Variants in RAD51B observed in about 807,000 individuals in gnomAD.
RAD51B encodes the protein DNA repair protein RAD51 homolog 2.
Under a neutral mutation model 42.2 loss-of-function variants are expected in RAD51B, and 38 were observed. The observed-to-expected ratio is 0.90, with a 90% CI of 0.70 to 1.18. The LOEUF (loss-of-function observed/expected upper bound fraction) is 1.18, where lower values mean the gene tolerates loss of function less well. Among genes scored for constraint, RAD51B ranks in the 50% most tolerant of loss-of-function variants. RAD51B has a pLI of 0.00. For missense variants in RAD51B, 373 were observed against 400.7 expected (o/e 0.93, Z 0.59); for synonymous variants, 154 against 145.2 (o/e 1.06, Z -0.43).
intron 7 of RAD51B, among the ~76,000 whole-genome samples, chr14:67,986,403 A>G (rs866883961): frequency 7.9e-5 from 12 of 152,214 alleles, no homozygotes; most frequent in African/African-American, 2.9e-4. Context: ...AGGAAATTGG[A>G]TACTCCAAAG....
chr14:68,676,412 C>T (rs1181391662), intron 11 of RAD51B, among the ~76,000 whole-genome samples: 1 of 152,178 alleles, frequency 6.6e-6, no homozygotes, highest in Non-Finnish European at 1.5e-5. Context: ...GCAAGCTGAC[C>T]CACGGAGGTC....
intron 7 of RAD51B, among the ~76,000 whole-genome samples, chr14:68,274,219 C>T (rs907563362): frequency 2.6e-5 from 4 of 152,060 alleles, no homozygotes; most frequent in African/African-American, 9.7e-5. Flanking sequence ...TTCACTCTTC[C>T]CCTTCTTTTT....
intron 8 of RAD51B, among the ~76,000 whole-genome samples, chr14:68,400,888 C>A (rs919569296): frequency 6.6e-6 from 1 of 152,090 alleles, no homozygotes; most frequent in African/African-American, 2.4e-5. Flanking sequence ...CTACAAGTCA[C>A]CATTCAGGAT....
chr14:67,959,463 G>A (rs963588114), intron 7 of RAD51B, among the ~76,000 whole-genome samples: 11 of 152,070 alleles, frequency 7.2e-5, no homozygotes, highest in African/African-American at 2.7e-4. Flanking sequence ...TAGCCAGGAT[G>A]GTCTCGATCT....
At chr14:68,661,202 TC>T (rs1385653130) in intron 11 of RAD51B, among the ~76,000 whole-genome samples, 23 of 152,260 alleles carry the variant, frequency 1.5e-4, no homozygotes, top group African/African-American at 5.5e-4. Flanking sequence ...AGTTTTGTGC[TC>T]CTTGCAAGGA....
chr14:68,402,952 C>G (rs2084155429), intron 8 of RAD51B, among the ~76,000 whole-genome samples: 1 of 152,180 alleles, frequency 6.6e-6, no homozygotes, highest in Admixed American at 6.5e-5. Context: ...CTGGTCTCAT[C>G]AAAAGCCCAG....
chr14:67,919,959 CT>C (rs545258849), intron 7 of RAD51B, among the ~76,000 whole-genome samples: 2 of 151,174 alleles, frequency 1.3e-5, no homozygotes, highest in Middle Eastern at 3.4e-3. Context: ...GAAAAGAAAG[CT>C]TTTTTTTTCT....
chr14:68,467,720 C>A (rs191073700), intron 9 of RAD51B, among the ~76,000 whole-genome samples: 244 of 152,346 alleles, frequency 1.6e-3, no homozygotes, highest in Non-Finnish European at 2.9e-3. Context: ...CCAGGGCCAA[C>A]AAAGAAACCT....
At chr14:68,661,203 C>G (rs1476138457) in intron 11 of RAD51B, among the ~76,000 whole-genome samples, 1 of 152,142 alleles carries the variant, frequency 6.6e-6, no homozygotes, top group Non-Finnish European at 1.5e-5. Context: ...GTTTTGTGCT[C>G]CTTGCAAGGA....
At chr14:68,152,628 G>T (rs1238649670) in intron 7 of RAD51B, among the ~76,000 whole-genome samples, 1 of 151,954 alleles carries the variant, frequency 6.6e-6, no homozygotes, top group Non-Finnish European at 1.5e-5. Flanking sequence ...TAGGTTCAGG[G>T]GTACATGTGC....
Position 68,477,634 on chromosome 14 carries a change from T to TC in RAD51B, c.1037-14_1037-13insC. On this transcript the variant is annotated splice_polypyrimidine_tract_variant and intron_variant, in intron 10 of 10. Coordinates refer to ENST00000471583, the MANE Select transcript of RAD51B (RefSeq NM_133510.4). ...TTTTTTTCAAACTTTCTCTTTTTTT[T>TC]TTTTTTCCTTTAGGCCAAGAGAAGC... 1 of 1,607,378 alleles carries TC rather than the reference T, an allele frequency of 6.2e-7. No homozygotes were observed.
chr14:67,880,976 A>G (rs1024571703), intron 5 of RAD51B, among the ~76,000 whole-genome samples: 1 of 152,220 alleles, frequency 6.6e-6, no homozygotes, highest in Non-Finnish European at 1.5e-5. Flanking sequence ...AACACCCTAC[A>G]GTGTACTTAC....
intron 10 of RAD51B, among the ~76,000 whole-genome samples, chr14:68,593,391 G>A (rs1890845031): frequency 6.6e-6 from 1 of 152,232 alleles, no homozygotes; most frequent in African/African-American, 2.4e-5. Context: ...GCCAGCCGAT[G>A]ATCATTGGGC....
chr14:68,159,988 T>C (rs2078603245), intron 7 of RAD51B, among the ~76,000 whole-genome samples: 1 of 152,126 alleles, frequency 6.6e-6, no homozygotes, highest in Admixed American at 6.5e-5. Flanking sequence ...AACTGCCGAC[T>C]TCCCCATTGT....
At chr14:68,065,507 C>T (rs948399513) in intron 7 of RAD51B, among the ~76,000 whole-genome samples, 4 of 152,176 alleles carry the variant, frequency 2.6e-5, no homozygotes, top group Non-Finnish European at 4.4e-5. Flanking sequence ...CTAGTCCATT[C>T]TCCAAGGGAG....
At chr14:68,133,090 T>C (rs577947783) in intron 7 of RAD51B, among the ~76,000 whole-genome samples, 3 of 152,250 alleles carry the variant, frequency 2.0e-5, no homozygotes, top group East Asian at 3.9e-4. Context: ...GCAGGCAATA[T>C]AGTAATTGCA....
At chr14:67,961,322 G>A (rs192078544) in intron 7 of RAD51B, among the ~76,000 whole-genome samples, 198 of 152,132 alleles carry the variant, frequency 1.3e-3, no homozygotes, top group African/African-American at 4.2e-3. Flanking sequence ...TCCTTTTTTC[G>A]ATACAGTTTT....
chr14:67,836,162 T>C (rs2041234162), intron 4 of RAD51B, among the ~76,000 whole-genome samples: 1 of 152,304 alleles, frequency 6.6e-6, no homozygotes, highest in African/African-American at 2.4e-5. Flanking sequence ...CTCAGCATTG[T>C]TGGTGAGGGA....
At chr14:68,266,801 G>T (rs1409978184) in intron 7 of RAD51B, among the ~76,000 whole-genome samples, 1 of 152,180 alleles carries the variant, frequency 6.6e-6, no homozygotes. Flanking sequence ...ATAAAATAGG[G>T]ATGATAGTAG....
Sources: gnomAD v4.1 joint callset for allele counts (sites outside exome capture counted in the v4.1 genomes callset) on GRCh38, gnomAD v4.1.1 for gene constraint, MANE v1.5 for transcripts, NCBI Gene and HGNC (gene_info 2026-07-23, HGNC 2026-07-21) for gene names.